CA12: variants seen among roughly 807,000 people sequenced by gnomAD.
CA12 encodes the protein carbonate dehydratase XII.
A neutral mutation model predicts 46.8 loss-of-function variants in CA12; 36 were observed. That is an observed-to-expected ratio of 0.77 (90% confidence interval 0.59 to 1.02). The LOEUF (loss-of-function observed/expected upper bound fraction) is 1.02. CA12 is among the 50% of genes least tolerant of loss of function. CA12 has a pLI of 0.00. For missense variants in CA12, 436 were observed against 451.4 expected (o/e 0.97, Z 0.31); for synonymous variants, 202 against 187.0 (o/e 1.08, Z -0.65).
In CA12 at chr15:63,374,400, G is replaced by A. The variant is rs113765253; in HGVS notation, c.106+1258C>T. 0.013 allele frequency among the ~76,000 whole-genome samples: 1,943 copies of A among 152,170 alleles called. 50 individuals are homozygous for A. Among genetic ancestry groups the A allele is most frequent in the African/African-American group, 0.045 (1,857 of 41,496 alleles). On this transcript the variant is annotated intron_variant, in intron 2 of 10. Transcript: ENST00000178638. This position sits in a 1 kb window ranked among gnomAD's most constrained non-coding sequence, Gnocchi z 4.4. ...CTGACCATCTAGCCCTAGCACACTC[G>A]CCCTCCTTTGAGCACTCAGATCTCT...
At chr15:63,337,561 A>G (rs2039019138) in intron 8 of CA12, among the ~76,000 whole-genome samples, 1 of 151,992 alleles carries the variant, frequency 6.6e-6, no homozygotes, top group Non-Finnish European at 1.5e-5. Context: ...GGTTCAAGCG[A>G]TTCTCCTGCC....
intron 1 of CA12, among the ~76,000 whole-genome samples, 200 bp from the exon 2 acceptor site, chr15:63,375,878 C>T (rs910051172): frequency 6.6e-5 from 10 of 150,744 alleles, no homozygotes; most frequent in East Asian, 5.8e-4. Context: ...GGCGCGATCT[C>T]GGCTCACTGC....
At chr15:63,376,305 C>T (rs546811274) in intron 1 of CA12, among the ~76,000 whole-genome samples, 6 of 152,264 alleles carry the variant, frequency 3.9e-5, no homozygotes, top group Admixed American at 3.9e-4. Flanking sequence ...TGGCTCAAAA[C>T]CCAAAAGCCA....
chr15:63,332,457 G>A (rs2038948758), intron 8 of CA12, among the ~76,000 whole-genome samples: 1 of 152,214 alleles, frequency 6.6e-6, no homozygotes. Context: ...ACGTTGCTCT[G>A]AAGGGCCTAA....
At position 63,345,041 on chromosome 15, in the gene CA12, A is replaced by C. The variant is rs2039128025; in HGVS notation, c.429+436T>G. Reference sequence around the variant, plus strand: ...CATGTTCTAAACACAACCCATGCCCAGAGAGGGAAAGATAGCATCAAAATG... The same window carrying C: ...CATGTTCTAAACACAACCCATGCCCCGAGAGGGAAAGATAGCATCAAAATG... On this transcript the variant is annotated intron_variant, in intron 4 of 10. Coordinates refer to ENST00000178638, the MANE Select transcript of CA12 (RefSeq NM_001218.5). The surrounding 1 kb of genome is among the most constrained non-coding windows in gnomAD (Gnocchi z 4.3). Among the ~76,000 whole-genome samples the C allele has an allele frequency of 6.6e-6, 1 of 152,190 alleles. No homozygotes were observed. Among genetic ancestry groups the C allele is most frequent in the Admixed American group, 6.5e-5 (1 of 15,276 alleles).
In CA12 at chr15:63,345,525, G is replaced by A. The variant is rs918030585; in HGVS notation, c.381C>T (p.Asp127=). The A allele has an allele frequency of 1.9e-6, 3 of 1,612,416 alleles. No individual in the cohort carries two copies. Among genetic ancestry groups the A allele is most frequent in the African/African-American group, 2.7e-5 (2 of 74,900 alleles). ...TGACGGTGTGCTCAGAGCCGTGCGG[G>A]TCATTCGGGTTCCCCCAGTGCAGGT... The part of the protein sequence containing the change: ...QLHLHWGNPN[D]PHGSEHTVSG... Residue 127 remains aspartate (D), a synonymous_variant, in exon 4 of 11, where the codon GAC becomes GAT. Coordinates refer to ENST00000178638, the MANE Select transcript of CA12 (RefSeq NM_001218.5). This position sits in a 1 kb window ranked among gnomAD's most constrained non-coding sequence, Gnocchi z 4.3.
chr15:63,337,147 CAACTGAGA>C (rs2039014149), intron 8 of CA12, among the ~76,000 whole-genome samples: 1 of 152,148 alleles, frequency 6.6e-6, no homozygotes, highest in East Asian at 1.9e-4. Context: ...TTCTGTTTTC[CAACTGAGA>C]AACTGAGGAA....
intron 1 of CA12, among the ~76,000 whole-genome samples, chr15:63,379,371 TGTGTGC>T (rs2039615903): frequency 6.6e-6 from 1 of 152,196 alleles, no homozygotes; most frequent in Non-Finnish European, 1.5e-5. Flanking sequence ...AGTGTGTGTA[TGTGTGC>T]GTGTGTGTGT....
intron 2 of CA12, among the ~76,000 whole-genome samples, chr15:63,364,346 A>AAAAAAAAC (rs1567052629): frequency 5.4e-5 from 8 of 146,890 alleles, no homozygotes; most frequent in Non-Finnish European, 1.1e-4. Flanking sequence ...AAAAAAAAAA[A>AAAAAAAAC]AAAAAAAAAC....
intron 8 of CA12, among the ~76,000 whole-genome samples, chr15:63,337,773 C>T (rs1012646850): frequency 6.6e-6 from 1 of 152,216 alleles, no homozygotes; most frequent in African/African-American, 2.4e-5. Context: ...GATGGGGTTT[C>T]ACCATGTTGG....
chr15:63,336,582 A>C (rs1595777343), intron 8 of CA12, among the ~76,000 whole-genome samples: 1 of 115,444 alleles, frequency 8.7e-6, no homozygotes, highest in Admixed American at 1.3e-4. Flanking sequence ...ACAGAGTCTC[A>C]CTCTGTCACC....
At chr15:63,366,626 C>A (rs1221892916) in intron 2 of CA12, among the ~76,000 whole-genome samples, 2 of 152,198 alleles carry the variant, frequency 1.3e-5, no homozygotes, top group Non-Finnish European at 2.9e-5. Flanking sequence ...TGAATGTGAA[C>A]CATTTATCTC....
chr15:63,375,506 A>G, intron 2 of CA12, 152 bp downstream of exon 2: 2 of 621,180 alleles, frequency 3.2e-6, no homozygotes, highest in South Asian at 3.9e-5. Flanking sequence ...TGTTCTTAGG[A>G]GATGCCTTTG....
chr15:63,360,758 C>T (rs1433232874), intron 2 of CA12, among the ~76,000 whole-genome samples: 1 of 152,184 alleles, frequency 6.6e-6, no homozygotes, highest in African/African-American at 2.4e-5. Context: ...CACATGCCCC[C>T]GAATTGAGGT....
In CA12 at chr15:63,374,232, C is replaced by T. The variant is rs1195951417; in HGVS notation, c.106+1426G>A. ...CGTGACTCCGCTATCAACCCTTCTC[C>T]ACATGCTTTCCTCGAACACCACCTT... On this transcript the variant is annotated intron_variant, in intron 2 of 10. Transcript: ENST00000178638. This position sits in a 1 kb window ranked among gnomAD's most constrained non-coding sequence, Gnocchi z 4.4. Among the ~76,000 whole-genome samples the T allele has an allele frequency of 6.6e-6, 1 of 152,152 alleles. No homozygotes were observed. The highest frequency in any genetic ancestry group is 1.9e-4 in the East Asian group (1 of 5,188).
chr15:63,363,760 T>A (rs1182623907), intron 2 of CA12, among the ~76,000 whole-genome samples: 2 of 152,272 alleles, frequency 1.3e-5, no homozygotes, highest in African/African-American at 2.4e-5. Flanking sequence ...CTATAATTCT[T>A]AACTTTTTAC....
At position 63,355,306 on chromosome 15, in the gene CA12, T is replaced by C. The variant is rs1249404812; in HGVS notation, c.107-8597A>G. 6.6e-6 allele frequency among the ~76,000 whole-genome samples: 1 copy of C among 152,220 alleles called. No homozygotes were observed. The highest frequency in any genetic ancestry group is 1.9e-4 in the East Asian group (1 of 5,198). ...CTCTTCTGTGCTCCTATACAGCCTTTGCATTTCTCTTCCTTGCAGCAGCCA... is the reference window on the plus strand; with the variant it reads ...CTCTTCTGTGCTCCTATACAGCCTTCGCATTTCTCTTCCTTGCAGCAGCCA... On this transcript the variant is annotated intron_variant, in intron 2 of 10. Coordinates refer to ENST00000178638, the MANE Select transcript of CA12 (RefSeq NM_001218.5). The surrounding 1 kb of genome is among the most constrained non-coding windows in gnomAD (Gnocchi z 4.1).
In CA12 at chr15:63,339,197, A is replaced by G. The variant is rs1260197431; in HGVS notation, c.748-252T>C. 6.6e-6 allele frequency among the ~76,000 whole-genome samples: 1 copy of G among 152,020 alleles called. No homozygotes were observed. Among genetic ancestry groups the G allele is most frequent in the African/African-American group, 2.4e-5 (1 of 41,382 alleles). On this transcript the variant is annotated intron_variant, in intron 7 of 10. Coordinates refer to ENST00000178638, the MANE Select transcript of CA12 (RefSeq NM_001218.5). This position sits in a 1 kb window ranked among gnomAD's most constrained non-coding sequence, Gnocchi z 4.3. ...GACTTCAGGGAAAGGCAGTGCTGTT[A>G]GTTTCCAATTATACCTGGAATCTGC...
Position 63,326,347 on chromosome 15 carries a change from C to T in CA12, c.1003G>A (p.Gly335Ser). 6.2e-7 allele frequency: 1 copy of T among 1,613,466 alleles called. No homozygotes were observed. ...WLFRRKSIKK[G>S]DNKGVIYKPA... ...TTGTAAATGACTCCCTTGTTATCAC[C>T]TTTTTTGATACTAGAACAGAAAGAA... The change falls in exon 11 of 11, where the codon GGT becomes AGT. Residue 335 changes from glycine to serine, a missense_variant. Physicochemically the swap from Gly to Ser is moderately conservative, Grantham distance 56 (BLOSUM62 0). Transcript: ENST00000178638.
Sources: gnomAD v4.1 joint callset for allele counts (sites outside exome capture counted in the v4.1 genomes callset) on GRCh38, gnomAD v4.1.1 for gene constraint, Gnocchi (gnomAD v3.1) non-coding constraint, MANE v1.5 for transcripts, NCBI Gene and HGNC (gene_info 2026-07-23, HGNC 2026-07-21) for gene names.